The following PHTF2 variants were observed in gnomAD, a reference collection of about 807,000 sequenced individuals.
PHTF2 encodes the protein putative homeodomain transcription factor 2.
In PHTF2, 60 loss-of-function variants were observed where a neutral mutation model predicts 101.2. That is an observed-to-expected ratio of 0.59 (90% CI 0.48 to 0.73). The LOEUF (loss-of-function observed/expected upper bound fraction) is 0.73. Ranked by LOEUF, PHTF2 falls within the 30% of genes least tolerant of loss-of-function variation. PHTF2 has a pLI of 0.00. For missense variants in PHTF2, 747 were observed against 908.7 expected, an observed-to-expected ratio of 0.82 and a Z score of 2.29; for synonymous variants, 311 against 307.3, an observed-to-expected ratio of 1.01 and a Z score of -0.13.
rs1452119270 is a variant in PHTF2, at chr7:77,932,619, AGAGTGT to A, written c.1338+3294_1338+3299del. 7.5e-3 allele frequency among the ~76,000 whole-genome samples: 838 copies of A among 111,610 alleles called. 6 individuals are homozygous for A. The highest frequency in any genetic ancestry group is 0.033 in the African/African-American group (802 of 24,402). 73.2% of individuals were successfully genotyped at this position (111,610 alleles called of 152,430 possible). A position where few individuals can be genotyped will look rare whatever the true frequency, so the allele number is the denominator to read the frequency against. ...GAGAGAGAAAGAGAGAGAGAGAGAG[AGAGTGT>A]GTGTGTGTGTGTGTGTGTGTGTGTG... On this transcript the variant is annotated intron_variant, in intron 12 of 19. Coordinates refer to ENST00000416283, the Ensembl canonical transcript of PHTF2.
chr7:77,926,344 C>G (rs187052041), intron 11 of PHTF2, among the ~76,000 whole-genome samples: 2 of 152,280 alleles, frequency 1.3e-5, no homozygotes, highest in Non-Finnish European at 2.9e-5. Context: ...GTTCATAAAA[C>G]AGAGCAGAGT....
At chr7:77,937,629 G>T in intron 12 of PHTF2, 81 bp from the exon 12 acceptor site, 1 of 441,768 alleles carries the variant, frequency 2.3e-6, no homozygotes. Context: ...TGTATATAGA[G>T]ATATATATAC....
At chr7:77,821,861 G>A (rs574289217) in intron 1 of PHTF2, among the ~76,000 whole-genome samples, 10 of 152,312 alleles carry the variant, frequency 6.6e-5, no homozygotes, top group African/African-American at 2.4e-4. Context: ...GTCCAGTCAT[G>A]GGCTCATGGC....
At chr7:77,844,376 A>G (rs1013746243) in intron 2 of PHTF2, among the ~76,000 whole-genome samples, 1 of 152,178 alleles carries the variant, frequency 6.6e-6, no homozygotes, top group African/African-American at 2.4e-5. Context: ...ATGGCCAAAA[A>G]CCATCACTTG....
At chr7:77,814,875 G>T (rs1793735649) in intron 1 of PHTF2, among the ~76,000 whole-genome samples, 2 of 152,034 alleles carry the variant, frequency 1.3e-5, no homozygotes, top group African/African-American at 4.8e-5. Context: ...GGAAGTTCAT[G>T]ACCAGCCTGG....
intron 17 of PHTF2, among the ~76,000 whole-genome samples, 187 bp downstream of exon 16, chr7:77,950,020 A>G (rs1562978187): frequency 6.6e-6 from 1 of 152,186 alleles, no homozygotes; most frequent in East Asian, 1.9e-4. Context: ...TTCAAATCCA[A>G]TCTGCTTTTT....
chr7:77,841,864 G>A (rs1203119349), intron 2 of PHTF2, among the ~76,000 whole-genome samples: 1 of 152,106 alleles, frequency 6.6e-6, no homozygotes, highest in African/African-American at 2.4e-5. Flanking sequence ...AAATTTTCCT[G>A]TCTATATCTT....
At chr7:77,937,735 C>A (rs780884391) in exon 13 of PHTF2, 13 of 1,427,508 alleles carry the variant, frequency 9.1e-6, no homozygotes, top group Non-Finnish European at 1.1e-5. Context: ...CTCCATAGTT[C>A]CCACCCAGGA....
chr7:77,871,199 T>C (rs1299121190), intron 3 of PHTF2, among the ~76,000 whole-genome samples: 2 of 152,184 alleles, frequency 1.3e-5, no homozygotes, highest in African/African-American at 4.8e-5. Flanking sequence ...CCTGCCTGAA[T>C]TGGGCTGTTG....
intron 1 of PHTF2, among the ~76,000 whole-genome samples, chr7:77,823,468 C>T (rs974028458): frequency 6.6e-6 from 1 of 152,234 alleles, no homozygotes; most frequent in Non-Finnish European, 1.5e-5. Flanking sequence ...ATCCACCCAT[C>T]TTGGCCTACC....
intron 16 of PHTF2, among the ~76,000 whole-genome samples, 168 bp from the exon 16 acceptor site, chr7:77,949,510 T>C (rs1286753575): frequency 6.6e-6 from 1 of 152,170 alleles, no homozygotes; most frequent in African/African-American, 2.4e-5. Flanking sequence ...CCATGGATAT[T>C]AATTACCTTA....
rs1804408251 is a variant in PHTF2 at position 77,929,967 on chromosome 7, T to A, written c.1338+640T>A. ...GCCACATTTTTTTTTTTTTTTTTTTTTGAGATGGAGTCTGTCCCTCTTGTC... is the reference window on the plus strand; with the variant it reads ...GCCACATTTTTTTTTTTTTTTTTTTATGAGATGGAGTCTGTCCCTCTTGTC... On this transcript the variant is annotated intron_variant, in intron 12 of 19. Coordinates refer to ENST00000416283, the Ensembl canonical transcript of PHTF2. 5.3e-5 allele frequency among the ~76,000 whole-genome samples: 8 copies of A among 150,326 alleles called. 1 individual carries two copies. The South Asian group carries it at 1.7e-3, about 32-fold the overall frequency.
rs1422557221 is a variant in PHTF2, at chr7:77,807,801, G to A, written c.-36+8830G>A. Among the ~76,000 whole-genome samples the A allele has an allele frequency of 2.0e-5, 3 of 152,098 alleles. No individual in the cohort carries two copies. The East Asian group carries it at 5.8e-4, about 29-fold the overall frequency. On this transcript the variant is annotated intron_variant, in intron 1 of 19. Transcript: ENST00000416283. ...GTCAGATGTTATGAAGCTTTCTCCT[G>A]TGTTTTCTTCTAGGACTTTTTTAGT... is the stretch of plus-strand genomic sequence containing the variant.
chr7:77,799,053 A>G (rs1792305320), intron 1 of PHTF2, 82 bp downstream of exon 1: 1 of 152,654 alleles, frequency 6.6e-6, no homozygotes, highest in Non-Finnish European at 1.5e-5. Flanking sequence ...ATGGATCGGG[A>G]CGAGGGAGGA....
At chr7:77,819,740 A>G (rs1584388408) in intron 1 of PHTF2, among the ~76,000 whole-genome samples, 1 of 152,228 alleles carries the variant, frequency 6.6e-6, no homozygotes, top group African/African-American at 2.4e-5. Context: ...AGGGTTATCC[A>G]GGCCTCATAG....
chr7:77,946,697 T>C (rs2150987074), intron 16 of PHTF2, among the ~76,000 whole-genome samples: 1 of 152,330 alleles, frequency 6.6e-6, no homozygotes, highest in Middle Eastern at 3.4e-3. Flanking sequence ...ACATTCTTTT[T>C]CTTCTTCCTT....
At chr7:77,942,921 T>A in intron 16 of PHTF2, 135 bp downstream of exon 15, 1 of 515,716 alleles carries the variant, frequency 1.9e-6, no homozygotes, top group Non-Finnish European at 3.4e-6. Context: ...GCAGTTTTTT[T>A]GGTAGAATAA....
chr7:77,835,212 T>C (rs1795358375), intron 1 of PHTF2, among the ~76,000 whole-genome samples: 1 of 141,600 alleles, frequency 7.1e-6, no homozygotes, highest in Non-Finnish European at 1.5e-5. Context: ...AGGCGGAGGT[T>C]GCAGTGAGCC....
At chr7:77,940,580 G>A (rs985873254) in exon 15 of PHTF2, 3 of 1,607,310 alleles carry the variant, frequency 1.9e-6, no homozygotes, top group South Asian at 1.1e-5. Flanking sequence ...AGGAGGGCTC[G>A]AAAATCTGAG....
Sources: gnomAD v4.1 joint callset for allele counts (sites outside exome capture counted in the v4.1 genomes callset) on GRCh38, gnomAD v4.1.1 for gene constraint, MANE v1.5 for transcripts, NCBI Gene and HGNC (gene_info 2026-07-23, HGNC 2026-07-21) for gene names.